The following TMEM108 variants were observed in gnomAD, a reference collection of about 807,000 sequenced individuals.
TMEM108 encodes transmembrane protein 108, also known as cancer/testis antigen 124.
A neutral mutation model predicts 35.1 loss-of-function variants in TMEM108; 12 were observed. That is an observed-to-expected ratio of 0.34 (90% CI 0.22 to 0.55). The LOEUF is 0.55. TMEM108 is among the 20% of genes least tolerant of loss of function. The pLI is 0.89. For missense variants in TMEM108, 680 were observed against 753.3 expected (o/e 0.90, Z 1.14); for synonymous variants, 287 against 308.6 (o/e 0.93, Z 0.73).
intron 2 of TMEM108, among the ~76,000 whole-genome samples, chr3:133,070,519 A>G (rs1212290931): frequency 6.6e-6 from 1 of 152,142 alleles, no homozygotes; most frequent in Admixed American, 6.6e-5. Flanking sequence ...AGTGCAACCT[A>G]TAAGCAAGTG....
intron 2 of TMEM108, among the ~76,000 whole-genome samples, chr3:133,049,990 C>T (rs1463896152): frequency 6.6e-6 from 1 of 152,076 alleles, no homozygotes; most frequent in Non-Finnish European, 1.5e-5. Context: ...AGTAATTAAG[C>T]CCTTTGGCAA....
intron 3 of TMEM108, chr3:133,378,546 G>T (rs1225039440): frequency 1.0e-6 from 1 of 985,476 alleles, no homozygotes; most frequent in Non-Finnish European, 1.2e-6. Flanking sequence ...TGAACAAGGA[G>T]GTGCTAACAG....
intron 3 of TMEM108, among the ~76,000 whole-genome samples, chr3:133,245,300 C>G (rs555173016): frequency 1.3e-5 from 2 of 152,316 alleles, no homozygotes; most frequent in South Asian, 4.1e-4. Context: ...ATGTCCTCTC[C>G]TACATCCCTC....
chr3:133,334,928 G>A (rs1391130023), intron 3 of TMEM108, among the ~76,000 whole-genome samples: 1 of 152,144 alleles, frequency 6.6e-6, no homozygotes, highest in African/African-American at 2.4e-5. Flanking sequence ...TGTTTGTTTA[G>A]AAACAGGAAT....
chr3:133,174,838 T>C (rs1278767130), intron 2 of TMEM108, among the ~76,000 whole-genome samples: 1 of 152,070 alleles, frequency 6.6e-6, no homozygotes, highest in Non-Finnish European at 1.5e-5. Context: ...ATGACTTTGA[T>C]GAGTTGAGAG....
At chr3:133,039,322 G>T (rs948349081) in intron 1 of TMEM108, among the ~76,000 whole-genome samples, 3 of 152,150 alleles carry the variant, frequency 2.0e-5, no homozygotes, top group African/African-American at 7.2e-5. Context: ...ACCCAGGAAG[G>T]TTATTACTTA....
At chr3:133,377,801 CCACCGGAGCA>C (rs1432543385) in intron 3 of TMEM108, among the ~76,000 whole-genome samples, 55 of 24,092 alleles carry the variant, frequency 2.3e-3, no homozygotes, top group African/African-American at 8.1e-3. Flanking sequence ...GCCAGCATCA[CCACCGGAGCA>C]TCACCGCCAG....
rs190525519 is a variant in TMEM108 at position 133,182,385 on chromosome 3, T to G, written c.-46-46881T>G. On this transcript the variant is annotated intron_variant, in intron 2 of 5. Transcript: ENST00000321871. Reference sequence around the variant, plus strand: ...GAGTAGGTTCTTTTTAAAAACCTGCTGAGTATCACCCTTCAGAGAAAGCCG... The same window carrying G: ...GAGTAGGTTCTTTTTAAAAACCTGCGGAGTATCACCCTTCAGAGAAAGCCG... Among the ~76,000 whole-genome samples, 6 of 152,314 alleles carry G rather than the reference T, an allele frequency of 3.9e-5. No individual in the cohort carries two copies. The East Asian group carries it at 1.2e-3, about 29-fold the overall frequency.
At chr3:133,173,185 TG>T (rs1240491514) in intron 2 of TMEM108, among the ~76,000 whole-genome samples, 2 of 152,228 alleles carry the variant, frequency 1.3e-5, no homozygotes, top group Non-Finnish European at 2.9e-5. Flanking sequence ...AACTTAGCTT[TG>T]GTTTGCCTCA....
At chr3:133,367,041 C>T (rs2072520603) in intron 3 of TMEM108, among the ~76,000 whole-genome samples, 1 of 152,230 alleles carries the variant, frequency 6.6e-6, no homozygotes, top group South Asian at 2.1e-4. Flanking sequence ...TAACAACCTC[C>T]ACCTGTCAAC....
At chr3:133,125,568 A>G (rs999730846) in intron 2 of TMEM108, among the ~76,000 whole-genome samples, 17 of 152,200 alleles carry the variant, frequency 1.1e-4, no homozygotes, top group Non-Finnish European at 2.2e-4. Flanking sequence ...AGGTGGGGGT[A>G]GTATCAGATC....
intron 2 of TMEM108, among the ~76,000 whole-genome samples, chr3:133,069,985 C>A (rs529205753): frequency 6.6e-6 from 1 of 152,240 alleles, no homozygotes; most frequent in East Asian, 1.9e-4. Context: ...CCTATCAGAG[C>A]CCACTGCTGC....
chr3:133,309,052 C>G (rs1414097293), intron 3 of TMEM108, among the ~76,000 whole-genome samples: 1 of 152,154 alleles, frequency 6.6e-6, no homozygotes, highest in Non-Finnish European at 1.5e-5. Context: ...TATTATTGGT[C>G]TATTCAGAGA....
intron 2 of TMEM108, among the ~76,000 whole-genome samples, chr3:133,224,123 C>CTCTCT (rs375853388): frequency 0.014 from 2,083 of 152,232 alleles, 52 homozygotes; most frequent in African/African-American, 0.048. Flanking sequence ...ACAACTGTTT[C>CTCTCT]TCTCTTCTCT....
At chr3:133,081,043 G>T (rs1943803372) in intron 2 of TMEM108, among the ~76,000 whole-genome samples, 1 of 152,144 alleles carries the variant, frequency 6.6e-6, no homozygotes, top group Non-Finnish European at 1.5e-5. Flanking sequence ...CAACTTCTCG[G>T]ATATAAAATG....
intron 2 of TMEM108, among the ~76,000 whole-genome samples, chr3:133,162,792 C>T (rs1944979955): frequency 1.3e-5 from 2 of 152,142 alleles, no homozygotes; most frequent in South Asian, 4.1e-4. Context: ...AAATTATTTC[C>T]CTGGGGGATC....
chr3:133,191,194 T>C (rs1290117606), intron 2 of TMEM108, among the ~76,000 whole-genome samples: 5 of 152,152 alleles, frequency 3.3e-5, no homozygotes, highest in African/African-American at 1.2e-4. Context: ...CATGCAAAAG[T>C]GGTTCTTTTA....
chr3:133,080,878 A>G (rs1246723936), intron 2 of TMEM108, among the ~76,000 whole-genome samples: 2 of 152,148 alleles, frequency 1.3e-5, no homozygotes, highest in Non-Finnish European at 2.9e-5. Context: ...AGACACAAGT[A>G]GGGTCTCTTC....
At chr3:133,222,069 G>T (rs1946000446) in intron 2 of TMEM108, among the ~76,000 whole-genome samples, 1 of 152,144 alleles carries the variant, frequency 6.6e-6, no homozygotes, top group Non-Finnish European at 1.5e-5. Context: ...TTAGCTCAGA[G>T]AACTCCCTTT....
Sources: allele counts gnomAD v4.1 joint callset (sites outside exome capture counted in the v4.1 genomes callset), GRCh38; gene constraint gnomAD v4.1.1; transcripts MANE v1.5; gene names NCBI Gene and HGNC (gene_info 2026-07-23, HGNC 2026-07-21).